The following CNNM3 variants were observed in gnomAD, a reference collection of about 807,000 sequenced individuals.
CNNM3 encodes cyclin and CBS domain divalent metal cation transport mediator 3, also known as metal transporter CNNM3.
A neutral mutation model predicts 57.1 loss-of-function variants in CNNM3; 47 were observed. The observed-to-expected ratio is 0.82, with a 90% CI of 0.65 to 1.05. The LOEUF is 1.05. Among genes scored for constraint, CNNM3 ranks in the 50% least tolerant of loss-of-function variants. The probability of loss-of-function intolerance (pLI) is 0.00; values close to 1 mark genes in which losing one functional copy is unlikely to be tolerated. For synonymous variants in CNNM3, 507 were observed against 478.2 expected, an observed-to-expected ratio of 1.06 and a Z score of -0.79; for missense variants, 957 against 973.7, an observed-to-expected ratio of 0.98 and a Z score of 0.23.
chr2:96,820,241 G>C (rs1036928996), intron 1 of CNNM3, among the ~76,000 whole-genome samples: 4 of 152,210 alleles, frequency 2.6e-5, no homozygotes, highest in Admixed American at 1.3e-4. Context: ...GGGAAGATTG[G>C]TATCTGGCAG....
rs1015625758 is a variant in CNNM3, at chr2:96,817,076, C to G, written c.799C>G (p.Leu267Val). Reference sequence around the variant, plus strand: ...CAGCCGCCTGGCCGTCCTGCTCACTCTGCCCGTCGCGCTGCCCGTGGGGCA... The same window carrying G: ...CAGCCGCCTGGCCGTCCTGCTCACTGTGCCCGTCGCGCTGCCCGTGGGGCA... ...GLSRLAVLLT[L>V]PVALPVGQLL... Residue 267 changes from leucine to valine, a missense_variant, in exon 1 of 8, where the codon CTG (leucine) becomes GTG (valine). Around this residue, in one of 2 missense-constraint regions of CNNM3, gnomAD observed 466 missense variants for 403.1 expected, o/e 1.16. Transcript: ENST00000305510. 5 of 1,352,478 alleles carry G rather than the reference C, an allele frequency of 3.7e-6. No homozygotes were observed. The Admixed American group carries it at 1.9e-4, about 52-fold the overall frequency. 83.8% of individuals were successfully genotyped at this position (1,352,478 alleles called of 1,614,324 possible). A position where few individuals can be genotyped will look rare whatever the true frequency, so the allele number is the denominator to read the frequency against.
chr2:96,835,614 C>CATG (rs2079680139), downstream of CNNM3, among the ~76,000 whole-genome samples: 1 of 152,058 alleles, frequency 6.6e-6, no homozygotes, highest in East Asian at 1.9e-4. Context: ...ACTACAGGCG[C>CATG]CCGCCACCAC....
rs1242537510 is a variant in CNNM3, at chr2:96,834,413, C to T, written c.*1797C>T. 6.6e-6 allele frequency among the ~76,000 whole-genome samples: 1 copy of T among 151,510 alleles called. No homozygotes were observed. Among genetic ancestry groups the T allele is most frequent in the Non-Finnish European group, 1.5e-5 (1 of 67,926 alleles). On this transcript the variant is annotated 3_prime_UTR_variant, in exon 8 of 8. Coordinates refer to ENST00000305510, the MANE Select transcript of CNNM3 (RefSeq NM_017623.5). ...AGACTGGAGTGCAGTGGTGTGATCA[C>T]GGCTTGCTGCAGCCTCGACCTCCCT...
intron 2 of CNNM3, among the ~76,000 whole-genome samples, 169 bp downstream of exon 2, chr2:96,825,370 A>C (rs950280527): frequency 1.3e-5 from 2 of 152,188 alleles, no homozygotes; most frequent in Non-Finnish European, 2.9e-5. Context: ...CCCTTGCAGG[A>C]GGGCTCACGC....
intron 1 of CNNM3, among the ~76,000 whole-genome samples, chr2:96,819,639 C>T (rs1460070498): frequency 2.0e-5 from 3 of 152,104 alleles, no homozygotes; most frequent in Admixed American, 6.5e-5. Context: ...CTGTAGCTGT[C>T]CTTTTGGTGT....
At chr2:96,817,975 A>G (rs1485686909) in intron 1 of CNNM3, among the ~76,000 whole-genome samples, 1 of 152,190 alleles carries the variant, frequency 6.6e-6, no homozygotes, top group Non-Finnish European at 1.5e-5. Flanking sequence ...TTTCCTTCAG[A>G]GCATTCTTAA....
Position 96,816,352 on chromosome 2 carries a change from G to A in CNNM3, c.75G>A (p.Gly25=), listed in dbSNP as rs1371351306. The A allele has an allele frequency of 2.3e-6, 3 of 1,293,516 alleles. No homozygotes were observed. The highest frequency in any genetic ancestry group is 2.4e-5 in the South Asian group (1 of 42,086). The allele number at this position is 1,293,516 out of a possible 1,614,324, so 80.1% of individuals were successfully genotyped here. ...FAALCLGNAA[G]EAAPGPRVLG... Reference sequence around the variant, plus strand: ...CGCTCTGCCTGGGCAACGCCGCGGGGGAGGCCGCGCCGGGCCCGCGAGTGC... The same window carrying A: ...CGCTCTGCCTGGGCAACGCCGCGGGAGAGGCCGCGCCGGGCCCGCGAGTGC... Residue 25 remains glycine, a synonymous_variant, in exon 1 of 8, where the codon GGG becomes GGA. Coordinates refer to ENST00000305510, the MANE Select transcript of CNNM3 (RefSeq NM_017623.5).
chr2:96,816,301 G>A lies in CNNM3; in HGVS notation c.24G>A (p.Ala8=), dbSNP rs1464266662. 1.6e-6 allele frequency: 2 copies of A among 1,288,486 alleles called. No individual in the cohort carries two copies. Among genetic ancestry groups the A allele is most frequent in the South Asian group, 2.6e-5 (1 of 38,294 alleles). 79.8% of individuals were successfully genotyped at this position (1,288,486 alleles called of 1,614,324 possible). Residue 8 remains alanine (A), a synonymous_variant, in exon 1 of 8, where the codon GCG becomes GCA. Coordinates refer to ENST00000305510, the MANE Select transcript of CNNM3 (RefSeq NM_017623.5). MAAAVAA[A]GRLGWLFAAL... is the part of the protein sequence containing the mutation. ...CGATGGCGGCGGCGGTAGCTGCGGC[G>A]GGTCGGTTAGGCTGGTTGTTCGCCG... is the stretch of plus-strand genomic sequence containing the variant.
chr2:96,817,753 C>A (rs963201908), intron 1 of CNNM3, among the ~76,000 whole-genome samples: 2 of 150,198 alleles, frequency 1.3e-5, no homozygotes, highest in Non-Finnish European at 1.5e-5. Context: ...CAGGATAGCC[C>A]CCCCCCCCCA....
chr2:96,828,121 GGAAAGAGGGTCTGAAGTTT>G lies in CNNM3; in HGVS notation c.1715_1733del (p.Lys572ArgfsTer13). The stretch of plus-strand genomic sequence containing the variant: ...CAGGGCAGGGTTGAAGTGGAGATCG[GGAAAGAGGGTCTGAAGTTT>G]GAGAATGGGGCCTTCACGTACTATG... On this transcript the variant is annotated frameshift_variant, in exon 5 of 8. Coordinates refer to ENST00000305510, the MANE Select transcript of CNNM3 (RefSeq NM_017623.5). LOFTEE classifies it high-confidence loss of function. The G allele has an allele frequency of 6.2e-7, 1 of 1,614,126 alleles. No homozygotes were observed. The highest frequency in any genetic ancestry group is 8.5e-7 in the Non-Finnish European group (1 of 1,180,016).
At chr2:96,832,480 G>T in intron 7 of CNNM3, 72 bp from the exon 8 acceptor site, 3 of 1,606,720 alleles carry the variant, frequency 1.9e-6, no homozygotes, top group African/African-American at 2.7e-5. Context: ...TCCCACAGAG[G>T]ATTTGGCACT....
At chr2:96,818,384 T>C (rs937616624) in intron 1 of CNNM3, among the ~76,000 whole-genome samples, 8 of 114,112 alleles carry the variant, frequency 7.0e-5, no homozygotes, top group African/African-American at 1.6e-4. Context: ...TGCCCGGCCC[T>C]TTTTTTTTTT....
chr2:96,830,602 T>C (rs2079585525), intron 7 of CNNM3, among the ~76,000 whole-genome samples: 1 of 152,192 alleles, frequency 6.6e-6, no homozygotes. Flanking sequence ...GATCTGGGTG[T>C]TGGCAAAAAG....
At chr2:96,828,494 G>A (rs1574112648) in intron 5 of CNNM3, 73 bp from the exon 6 acceptor site, 1 of 1,586,474 alleles carries the variant, frequency 6.3e-7, no homozygotes, top group Non-Finnish European at 8.6e-7. Context: ...AAACTGTACA[G>A]TTGTCCCCAC....
At chr2:96,827,487 C>T (rs2079528135) in intron 3 of CNNM3, among the ~76,000 whole-genome samples, 1 of 152,108 alleles carries the variant, frequency 6.6e-6, no homozygotes. Context: ...AGGCTGGTCT[C>T]CAACTCCTGA....
rs1348979992 is a variant in CNNM3, at chr2:96,817,029, T to C, written c.752T>C (p.Leu251Pro). 1.9e-5 allele frequency: 26 copies of C among 1,367,532 alleles called. No homozygotes were observed. Among genetic ancestry groups the C allele is most frequent in the Non-Finnish European group, 2.3e-5 (24 of 1,056,702 alleles). The allele number at this position is 1,367,532 out of a possible 1,614,324, so 84.7% of individuals were successfully genotyped here. A position where few individuals can be genotyped will look rare whatever the true frequency, so the allele number is the denominator to read the frequency against. Residue 251 changes from leucine to proline, a missense_variant, in exon 1 of 8, where the codon CTG becomes CCG. Coordinates refer to ENST00000305510, the MANE Select transcript of CNNM3 (RefSeq NM_017623.5). ...AAVSGRWTLA[L>P]APRALGLSRL... ...GTGAGCGGGCGCTGGACGCTGGCGCTGGCGCCGCGAGCGCTCGGCCTCAGC... is the reference window on the plus strand; with the variant it reads ...GTGAGCGGGCGCTGGACGCTGGCGCCGGCGCCGCGAGCGCTCGGCCTCAGC...
Position 96,828,155 on chromosome 2 carries a change from C to CTCA in CNNM3, c.1746_1747insTCA (p.Phe582_Thr583insSer). On this transcript the variant is annotated inframe_insertion, in exon 5 of 8. Transcript: ENST00000305510. ...GTCTGAAGTTTGAGAATGGGGCCTT[C>CTCA]ACGTACTATGGAGTGTCGGCCCTAA... The CTCA allele has an allele frequency of 6.2e-7, 1 of 1,614,108 alleles. No homozygotes were observed. Among genetic ancestry groups the CTCA allele is most frequent in the Non-Finnish European group, 8.5e-7 (1 of 1,180,008 alleles).
At chr2:96,822,622 T>C (rs1382307452) in intron 1 of CNNM3, among the ~76,000 whole-genome samples, 3 of 152,184 alleles carry the variant, frequency 2.0e-5, no homozygotes, top group Non-Finnish European at 4.4e-5. Context: ...AGTCTCTGCT[T>C]TAAAGGAACC....
At chr2:96,828,382 C>T (rs1010218667) in intron 5 of CNNM3, 185 bp from the exon 6 acceptor site, 11 of 843,710 alleles carry the variant, frequency 1.3e-5, no homozygotes, top group Non-Finnish European at 1.3e-5. Flanking sequence ...AACTTTGTGG[C>T]CCACTCCACC....
Sources: gnomAD v4.1 joint callset for allele counts (sites outside exome capture counted in the v4.1 genomes callset) on GRCh38, gnomAD v4.1.1 for gene constraint, gnomAD v4.1.1 regional missense constraint, MANE v1.5 for transcripts, NCBI Gene and HGNC (gene_info 2026-07-23, HGNC 2026-07-21) for gene names.